GRID2IP: variants seen among roughly 807,000 people sequenced by gnomAD.
GRID2IP encodes Grid2 interacting protein, also known as delphilin.
In GRID2IP, 78 loss-of-function variants were observed where a neutral mutation model predicts 114.3. That is an observed-to-expected ratio of 0.68 (90% CI 0.57 to 0.82). GRID2IP has a LOEUF of 0.82. GRID2IP is among the 40% of genes least tolerant of loss of function. The pLI is 0.00. For missense variants in GRID2IP, 1,727 were observed against 1,678.5 expected (o/e 1.03, Z -0.51); for synonymous variants, 809 against 724.0 (o/e 1.12, Z -1.89).
In GRID2IP at chr7:6,526,727, C is replaced by A; in HGVS notation, c.627G>T (p.Val209=). 1 of 1,524,808 alleles carries A rather than the reference C, an allele frequency of 6.6e-7. No individual in the cohort carries two copies. The highest frequency in any genetic ancestry group is 2.7e-5 in the East Asian group (1 of 37,250). The allele number at this position is 1,524,808 out of a possible 1,614,324, so 94.5% of individuals were successfully genotyped here. A position where few individuals can be genotyped will look rare whatever the true frequency, so the allele number is the denominator to read the frequency against. The part of the protein sequence containing the change: ...PKKHRARFDE[V]VSQGLLGKLC... Reference sequence around the variant, plus strand: ...GCTTGCCCAGGAGGCCCTGAGACACCACCTCGTCGAAGCGCGCCCGGTGCT... The same window carrying A: ...GCTTGCCCAGGAGGCCCTGAGACACAACCTCGTCGAAGCGCGCCCGGTGCT... Residue 209 remains valine (V), a synonymous_variant, in exon 3 of 22, where the codon GTG becomes GTT. Coordinates refer to ENST00000457091, the MANE Select transcript of GRID2IP (RefSeq NM_001145118.2). This position sits in a 1 kb window ranked among gnomAD's most constrained non-coding sequence, Gnocchi z 7.6.
At position 6,497,802 on chromosome 7, in the gene GRID2IP, G is replaced by A. The variant is rs1393169870; in HGVS notation, c.3608C>T (p.Ser1203Phe). ...DLQAGEGLRS[S>F]GMVSPLAW is the part of the protein sequence containing the mutation. ...CCAGGCCAGGGGTGAAACCATCCCG[G>A]AGCTGCGCAGGCCCTCCCCGGCCTG... is the stretch of plus-strand genomic sequence containing the variant. Residue 1203 changes from serine (S) to phenylalanine (F), a missense_variant, in exon 22 of 22, where the codon TCC becomes TTC. Ser to Phe is a radical substitution (Grantham distance 155). Transcript: ENST00000457091. 3 of 1,550,330 alleles carry A rather than the reference G, an allele frequency of 1.9e-6. No homozygotes were observed. The highest frequency in any genetic ancestry group is 1.2e-5 in the South Asian group (1 of 84,018).
rs1371882500 is a variant in GRID2IP, at chr7:6,539,725, T to C, written c.577A>G (p.Asn193Asp). ...PREACGPLLD[N>D]LRIFIPKKHR... ...GCCCCCTGCCCGCAGTACCTGAGGT[T>C]GTCCAGGAGTGGCCCGCAGGCCTCT... Residue 193 changes from asparagine (N) to aspartate (D), a missense_variant, in exon 2 of 22, where the codon AAC becomes GAC. Transcript: ENST00000457091. The C allele has an allele frequency of 6.5e-7, 1 of 1,548,028 alleles. No homozygotes were observed. Among genetic ancestry groups the C allele is most frequent in the South Asian group, 1.2e-5 (1 of 83,824 alleles).
In GRID2IP at chr7:6,509,374, G is replaced by C; in HGVS notation, c.1772-61C>G. 1 of 1,397,434 alleles carries C rather than the reference G, an allele frequency of 7.2e-7. No homozygotes were observed. Among genetic ancestry groups the C allele is most frequent in the Non-Finnish European group, 9.5e-7 (1 of 1,049,534 alleles). The allele number at this position is 1,397,434 out of a possible 1,614,324, so 86.6% of individuals were successfully genotyped here. ...GCCAGCACCGAGGTTCCAGGTGCAA[G>C]CTGGAGAGAGGGTCCTAGGACAGAC... On this transcript the variant is annotated intron_variant, in intron 11 of 21. Transcript: ENST00000457091. This position sits in a 1 kb window ranked among gnomAD's most constrained non-coding sequence, Gnocchi z 4.9.
intron 2 of GRID2IP, among the ~76,000 whole-genome samples, chr7:6,531,454 G>A (rs923059973): frequency 6.6e-6 from 1 of 152,212 alleles, no homozygotes; most frequent in Non-Finnish European, 1.5e-5. Flanking sequence ...CCACACAGTG[G>A]CGAGTCCCCG....
At chr7:6,503,445 C>T in intron 16 of GRID2IP, 46 bp downstream of exon 16, 2 of 1,467,324 alleles carry the variant, frequency 1.4e-6, no homozygotes, top group South Asian at 1.3e-5. Context: ...GCGACAGCCC[C>T]TGTGGAGCCG....
Position 6,503,071 on chromosome 7 carries a change from A to G in GRID2IP, c.3000T>C (p.Leu1000=). 6.4e-7 allele frequency: 1 copy of G among 1,551,518 alleles called. No homozygotes were observed. Among genetic ancestry groups the G allele is most frequent in the Non-Finnish European group, 8.7e-7 (1 of 1,146,918 alleles). Residue 1000 remains leucine, a synonymous_variant, in exon 17 of 22, where the codon CTT becomes CTC. Transcript: ENST00000457091. The part of the protein sequence containing the change: ...QEKTEEIRGS[L]ECLRQASLEL... ...CCAGGGAGGCCTGGCGCAAGCATTC[A>G]AGGCTGCCTCGGATCTCCTCTGTCT...
chr7:6,522,887 G>C (rs998436157), intron 4 of GRID2IP, among the ~76,000 whole-genome samples: 1 of 151,414 alleles, frequency 6.6e-6, no homozygotes, highest in African/African-American at 2.4e-5. Context: ...GGCTAGTCTC[G>C]AACTCCTGCT....
At chr7:6,539,677 G>C in intron 2 of GRID2IP, 41 bp downstream of exon 2, 1 of 1,507,718 alleles carries the variant, frequency 6.6e-7, no homozygotes, top group East Asian at 2.5e-5. Flanking sequence ...CTCTAAGTGA[G>C]ACCCACCCTG....
At chr7:6,525,392 C>A (rs1255601709) in intron 4 of GRID2IP, among the ~76,000 whole-genome samples, 2 of 152,062 alleles carry the variant, frequency 1.3e-5, no homozygotes, top group African/African-American at 2.4e-5. Flanking sequence ...GAGGCCAAGG[C>A]GGGAGGATTA....
Position 6,536,947 on chromosome 7 carries a change from G to A in GRID2IP, c.584+2771C>T. 1.8e-6 allele frequency: 1 copy of A among 560,468 alleles called. No individual in the cohort carries two copies. Among genetic ancestry groups the A allele is most frequent in the Non-Finnish European group, 3.3e-6 (1 of 305,086 alleles). 34.7% of individuals were successfully genotyped at this position (560,468 alleles called of 1,614,324 possible). On this transcript the variant is annotated intron_variant, in intron 2 of 21. Transcript: ENST00000457091. The surrounding 1 kb of genome is among the most constrained non-coding windows in gnomAD (Gnocchi z 5.3). ...GGCGGCGGGGAGGGTGGCCAGCCCA[G>A]TCCCTGACATTGGCCAGGCCCAGAG...
At chr7:6,498,009 G>T in intron 21 of GRID2IP, 55 bp downstream of exon 21, 1 of 1,473,902 alleles carries the variant, frequency 6.8e-7, no homozygotes, top group Non-Finnish European at 9.1e-7. Context: ...CCCTTCATTT[G>T]GCCTCTGGCC....
In GRID2IP at chr7:6,503,621, G is replaced by A. The variant is rs1453260468; in HGVS notation, c.2777C>T (p.Pro926Leu). 2.0e-6 allele frequency: 3 copies of A among 1,528,628 alleles called. No individual in the cohort carries two copies. Among genetic ancestry groups the A allele is most frequent in the Non-Finnish European group, 2.6e-6 (3 of 1,144,238 alleles). The allele number at this position is 1,528,628 out of a possible 1,614,324, so 94.7% of individuals were successfully genotyped here. A position where few individuals can be genotyped will look rare whatever the true frequency, so the allele number is the denominator to read the frequency against. The change falls in exon 16 of 22, where the codon CCC becomes CTC. Residue 926 changes from proline (P) to leucine (L), a missense_variant. Coordinates refer to ENST00000457091, the MANE Select transcript of GRID2IP (RefSeq NM_001145118.2). ...GAGATGTGCGGGCTCCAGGCGCCGGGGCTCCATGCTCATCAGCACCTGGCG... is the reference window on the plus strand; with the variant it reads ...GAGATGTGCGGGCTCCAGGCGCCGGAGCTCCATGCTCATCAGCACCTGGCG... Reference protein sequence around the residue: ...ELRQVLMSMEPRRLEPAHLAQ... With the variant: ...ELRQVLMSMELRRLEPAHLAQ...
rs533924014 is a variant in GRID2IP, at chr7:6,547,046, A to G, written c.429+3962T>C. 5.3e-5 allele frequency among the ~76,000 whole-genome samples: 8 copies of G among 152,298 alleles called. No homozygotes were observed. The East Asian group carries it at 1.4e-3, about 26-fold the overall frequency. ...TAGTTCTGCCCAATGAGCATTGAGG[A>G]CAGGTGCTGTTCTAAGAGGAGATGC... On this transcript the variant is annotated intron_variant, in intron 1 of 21. Coordinates refer to ENST00000457091, the MANE Select transcript of GRID2IP (RefSeq NM_001145118.2).
chr7:6,543,395 C>CA (rs71539949), intron 1 of GRID2IP, among the ~76,000 whole-genome samples: 24,976 of 130,508 alleles, frequency 0.19, 2,186 homozygotes, highest in Middle Eastern at 0.22. Flanking sequence ...GGCTCTGTCT[C>CA]AAAAAAAAAA....
At chr7:6,539,206 G>A (rs918182482) in intron 2 of GRID2IP, among the ~76,000 whole-genome samples, 1 of 151,118 alleles carries the variant, frequency 6.6e-6, no homozygotes, top group Non-Finnish European at 1.5e-5. Flanking sequence ...ATAGCTCACT[G>A]CAGCCCCACC....
At chr7:6,512,072 T>G (rs1562515551) in intron 8 of GRID2IP, among the ~76,000 whole-genome samples, 1 of 151,170 alleles carries the variant, frequency 6.6e-6, no homozygotes, top group Admixed American at 6.6e-5. Flanking sequence ...CATGCCTGGC[T>G]AAATTTTTGT....
Position 6,532,201 on chromosome 7 carries a change from A to G in GRID2IP, c.585-5432T>C, listed in dbSNP as rs1406331033. On this transcript the variant is annotated intron_variant, in intron 2 of 21. Transcript: ENST00000457091. This position sits in a 1 kb window ranked among gnomAD's most constrained non-coding sequence, Gnocchi z 4.4. ...CCCGACTGCCTCTGGAGAGGCCCAG[A>G]ATCAGGCCTGAGGAACAAATGAGAG... Among the ~76,000 whole-genome samples, 1 of 152,098 alleles carries G rather than the reference A, an allele frequency of 6.6e-6. No individual in the cohort carries two copies. Among genetic ancestry groups the G allele is most frequent in the Non-Finnish European group, 1.5e-5 (1 of 68,002 alleles).
chr7:6,503,312 G>C (rs1052177693), intron 16 of GRID2IP, 149 bp from the exon 17 acceptor site: 3 of 1,042,944 alleles, frequency 2.9e-6, no homozygotes, highest in Admixed American at 2.9e-5. Flanking sequence ...GGGGGAGCCC[G>C]CCTCCCATGT....
At chr7:6,537,345 A>C (rs1320269874) in intron 2 of GRID2IP, among the ~76,000 whole-genome samples, 1 of 130,806 alleles carries the variant, frequency 7.6e-6, no homozygotes, top group Non-Finnish European at 1.6e-5. Context: ...GGAGTTCGAG[A>C]CCAGCCTGGC....
Sources: gnomAD v4.1 joint callset for allele counts (sites outside exome capture counted in the v4.1 genomes callset) on GRCh38, gnomAD v4.1.1 for gene constraint, Gnocchi (gnomAD v3.1) non-coding constraint, MANE v1.5 for transcripts, NCBI Gene and HGNC (gene_info 2026-07-23, HGNC 2026-07-21) for gene names.